The following CNTNAP4 variants were observed in gnomAD, a reference collection of about 807,000 sequenced individuals.
CNTNAP4 encodes contactin associated protein family member 4, also known as contactin-associated protein-like 4.
Under a neutral mutation model 148.4 loss-of-function variants are expected in CNTNAP4, and 98 were observed. That is an observed-to-expected ratio of 0.66 (90% CI 0.56 to 0.78). CNTNAP4 has a LOEUF of 0.78. CNTNAP4 is among the 30% of genes least tolerant of loss of function. The pLI, the probability that CNTNAP4 is intolerant of heterozygous loss-of-function variation, is 0.00. For missense variants in CNTNAP4, 1,935 were observed against 1,565.6 expected (o/e 1.24, Z -3.98); for synonymous variants, 730 against 565.1 (o/e 1.29, Z -4.14).
chr16:76,499,631 A>G lies in CNTNAP4; in HGVS notation c.2365+937A>G, dbSNP rs2082545327. On this transcript the variant is annotated intron_variant, in intron 15 of 23. Transcript: ENST00000611870. ...GAGGGGGATTTGGCAGGGTCATAGG[A>G]CAATAGTGGAGGGAAGGTCAGCAGA... Among the ~76,000 whole-genome samples, 2 of 150,624 alleles carry G rather than the reference A, an allele frequency of 1.3e-5. 1 individual carries two copies. The highest frequency in any genetic ancestry group is 1.3e-4 in the Admixed American group (2 of 15,118).
intron 2 of CNTNAP4, among the ~76,000 whole-genome samples, chr16:76,332,157 T>A (rs1963584611): frequency 6.6e-6 from 1 of 152,220 alleles, no homozygotes; most frequent in Admixed American, 6.5e-5. Context: ...ACGGTTTGAT[T>A]GTAATGTGTC....
intron 15 of CNTNAP4, among the ~76,000 whole-genome samples, chr16:76,519,284 T>C (rs1336558191): frequency 6.6e-6 from 1 of 152,144 alleles, no homozygotes; most frequent in Non-Finnish European, 1.5e-5. Flanking sequence ...AAGTAATAAA[T>C]TGGTTTCATT....
At chr16:76,382,087 AAG>A (rs1308715792) in intron 3 of CNTNAP4, among the ~76,000 whole-genome samples, 26 of 150,326 alleles carry the variant, frequency 1.7e-4, no homozygotes, top group African/African-American at 4.9e-5. Flanking sequence ...AAAAAAAAAA[AAG>A]AGAAAGTTAC....
chr16:76,461,783 T>G (rs976832738), intron 8 of CNTNAP4, among the ~76,000 whole-genome samples, 173 bp from the exon 9 acceptor site: 4 of 152,206 alleles, frequency 2.6e-5, no homozygotes, highest in South Asian at 4.1e-4. Flanking sequence ...ATTTTCCACA[T>G]AGAGGATGCT....
At chr16:76,383,805 A>G (rs1430034015) in intron 3 of CNTNAP4, among the ~76,000 whole-genome samples, 1 of 152,200 alleles carries the variant, frequency 6.6e-6, no homozygotes, top group Non-Finnish European at 1.5e-5. Context: ...AGTTGTAAAG[A>G]TGATAAACTT....
chr16:76,467,469 G>C lies in CNTNAP4; in HGVS notation c.1601G>C (p.Gly534Ala), dbSNP rs536007661. 7 of 1,613,630 alleles carry C rather than the reference G, an allele frequency of 4.3e-6. No individual in the cohort carries two copies. Among genetic ancestry groups the C allele is most frequent in the Non-Finnish European group, 5.1e-6 (6 of 1,179,806 alleles). ...KVVDLISVQQ[G>A]SLGNFSDLQI... is the part of the protein sequence containing the mutation. ...GTAGATCTGATTTCAGTTCAGCAGG[G>C]GTCCCTTGGGAACTTCAGTGACCTT... The change falls in exon 10 of 24, where the codon GGG becomes GCG. Residue 534 changes from glycine (G) to alanine (A), a missense_variant. Transcript: ENST00000611870.
intron 2 of CNTNAP4, among the ~76,000 whole-genome samples, chr16:76,350,185 G>A (rs946457271): frequency 7.2e-5 from 11 of 152,066 alleles, no homozygotes; most frequent in Admixed American, 2.0e-4. Flanking sequence ...AAAGATAGTT[G>A]TAATTACTCC....
intron 2 of CNTNAP4, among the ~76,000 whole-genome samples, chr16:76,345,106 A>G (rs944528559): frequency 4.6e-5 from 7 of 152,108 alleles, no homozygotes; most frequent in African/African-American, 1.7e-4. Flanking sequence ...CCTTTTACTG[A>G]CTGGGCCCCA....
chr16:76,419,213 G>A (rs4262973), intron 3 of CNTNAP4, among the ~76,000 whole-genome samples: 52,596 of 151,660 alleles, frequency 0.35, 10,879 homozygotes, highest in Non-Finnish European at 0.44. Context: ...TTTCTGTGAC[G>A]CTCTGACTCC....
At chr16:76,340,256 C>T (rs1567767582) in intron 2 of CNTNAP4, among the ~76,000 whole-genome samples, 1 of 152,112 alleles carries the variant, frequency 6.6e-6, no homozygotes, top group Non-Finnish European at 1.5e-5. Flanking sequence ...AGGAACATAG[C>T]TGCCCAAGTT....
At chr16:76,422,379 A>G (rs1036806567) in intron 3 of CNTNAP4, among the ~76,000 whole-genome samples, 26 of 148,656 alleles carry the variant, frequency 1.7e-4, no homozygotes, top group African/African-American at 6.2e-4. Flanking sequence ...TTTGACTCCA[A>G]TAATTTTGGG....
rs965741087 is a variant in CNTNAP4, at chr16:76,538,259, C to T, written c.3139C>T (p.Arg1047Ter). 3.1e-6 allele frequency: 5 copies of T among 1,610,352 alleles called. No individual in the cohort carries two copies. Among genetic ancestry groups the T allele is most frequent in the Non-Finnish European group, 8.5e-7 (1 of 1,178,578 alleles). The change falls in exon 19 of 24, where the codon CGA becomes TGA. Residue 1047 changes from arginine to a stop codon, truncating the protein, a stop_gained. Coordinates refer to ENST00000611870, the MANE Select transcript of CNTNAP4 (RefSeq NM_033401.5). LOFTEE classifies it high-confidence loss of function. Reference sequence around the variant, plus strand: ...CAGAGAAATGATCAAATTTAGTTTCCGAACAACACGAACACCAAGCTTGCT... The same window carrying T: ...CAGAGAAATGATCAAATTTAGTTTCTGAACAACACGAACACCAAGCTTGCT... ...LSREMIKFSF[R>*]TTRTPSLLLF...
intron 12 of CNTNAP4, among the ~76,000 whole-genome samples, chr16:76,482,432 A>AT (rs57722242): frequency 0.011 from 1,391 of 130,692 alleles, 20 homozygotes; most frequent in African/African-American, 0.035. Flanking sequence ...GTTTTACACA[A>AT]TTTTTTTTTT....
chr16:76,522,747 TTTTCTTTTCTTTTCTTTTCTTTTCTTTTC>T lies in CNTNAP4; in HGVS notation c.2755+497_2755+525del, dbSNP rs1447480179. Among the ~76,000 whole-genome samples the T allele has an allele frequency of 4.5e-3, 506 of 112,450 alleles. 26 individuals carry two copies. The highest frequency in any genetic ancestry group is 5.1e-3 in the Non-Finnish European group (276 of 54,132). The allele number at this position is 112,450 out of a possible 152,430, so 73.8% of individuals were successfully genotyped here. A position where few individuals can be genotyped will look rare whatever the true frequency, so the allele number is the denominator to read the frequency against. ...TTTTCTTTTCTTTTCTTTTCTTTTC[TTTTCTTTTCTTTTCTTTTCTTTTCTTTTC>T]TTTCTTGACAGAGTCTCGCTCTGTC... is the stretch of plus-strand genomic sequence containing the variant. On this transcript the variant is annotated intron_variant, in intron 17 of 23. Transcript: ENST00000611870.
intron 23 of CNTNAP4, among the ~76,000 whole-genome samples, chr16:76,554,987 C>A (rs776950481): frequency 1.3e-5 from 2 of 151,368 alleles, no homozygotes; most frequent in Non-Finnish European, 2.9e-5. Context: ...TATGAATAAT[C>A]GTATTACTGG....
At chr16:76,390,186 T>G (rs1488637174) in intron 3 of CNTNAP4, among the ~76,000 whole-genome samples, 1 of 152,258 alleles carries the variant, frequency 6.6e-6, no homozygotes, top group Admixed American at 6.5e-5. Context: ...TCAGGTAAAC[T>G]TGTGCACTAC....
At chr16:76,424,126 A>G (rs913550242) in intron 3 of CNTNAP4, among the ~76,000 whole-genome samples, 1 of 152,182 alleles carries the variant, frequency 6.6e-6, no homozygotes, top group East Asian at 1.9e-4. Context: ...TTCAAAATTT[A>G]AATAGCTCAT....
intron 14 of CNTNAP4, among the ~76,000 whole-genome samples, chr16:76,495,891 T>G (rs1182506140): frequency 1.3e-5 from 2 of 152,086 alleles, no homozygotes; most frequent in Non-Finnish European, 2.9e-5. Context: ...TCTGTTAATG[T>G]AGGTCATAAT....
chr16:76,492,040 C>T (rs1427764670), intron 13 of CNTNAP4, among the ~76,000 whole-genome samples: 1 of 152,092 alleles, frequency 6.6e-6, no homozygotes, highest in African/African-American at 2.4e-5. Context: ...TTCATGATCC[C>T]ACTTATATAT....
Sources: gnomAD v4.1 joint callset for allele counts (sites outside exome capture counted in the v4.1 genomes callset) on GRCh38, gnomAD v4.1.1 for gene constraint, MANE v1.5 for transcripts, NCBI Gene and HGNC (gene_info 2026-07-23, HGNC 2026-07-21) for gene names.